The following ARHGEF28 variants were observed in gnomAD, a reference collection of about 807,000 sequenced individuals.
ARHGEF28 encodes the protein Rho guanine nucleotide exchange factor 28, also known as 190 kDa guanine nucleotide exchange factor.
In ARHGEF28, 152 loss-of-function variants were observed where a neutral mutation model predicts 206.6. That is an observed-to-expected ratio of 0.74 (90% CI 0.64 to 0.84). The LOEUF (loss-of-function observed/expected upper bound fraction) is 0.84, where lower values mean the gene tolerates loss of function less well. ARHGEF28 is among the 40% of genes least tolerant of loss of function. ARHGEF28 has a pLI of 0.00. For synonymous variants in ARHGEF28, 763 were observed against 776.4 expected, an observed-to-expected ratio of 0.98 and a Z score of 0.29; for missense variants, 2,028 against 2,073.2, an observed-to-expected ratio of 0.98 and a Z score of 0.42.
At chr5:73,891,786 A>C (rs1439741565) in intron 26 of ARHGEF28, among the ~76,000 whole-genome samples, 1 of 152,078 alleles carries the variant, frequency 6.6e-6, no homozygotes, top group African/African-American at 2.4e-5. Context: ...CGGCCTCCCA[A>C]AGTGCTGGGA....
intron 2 of ARHGEF28, among the ~76,000 whole-genome samples, chr5:73,739,637 G>A (rs1751239542): frequency 6.6e-6 from 1 of 151,602 alleles, no homozygotes; most frequent in East Asian, 1.9e-4. Context: ...TGTGCAACAG[G>A]TGAAACCTTC....
At chr5:73,687,146 T>G (rs1351324351) in intron 2 of ARHGEF28, among the ~76,000 whole-genome samples, 1 of 152,166 alleles carries the variant, frequency 6.6e-6, no homozygotes, top group Non-Finnish European at 1.5e-5. Flanking sequence ...GCTTTCAAAA[T>G]GACTTCACCA....
chr5:73,645,703 T>G (rs1744382175), intron 1 of ARHGEF28, among the ~76,000 whole-genome samples: 1 of 152,206 alleles, frequency 6.6e-6, no homozygotes, highest in African/African-American at 2.4e-5. Context: ...AACAAAAGTT[T>G]TAAATTCTTG....
At chr5:73,909,203 CACAGGTCCTACCCCTAGG>C in intron 33 of ARHGEF28, 191 bp from the exon 34 acceptor site, 7 of 520,044 alleles carry the variant, frequency 1.3e-5, no homozygotes, top group Non-Finnish European at 2.2e-5. Context: ...TCTATAAATT[CACAGGTCCTACCCCTAGG>C]ACAGATGTAG....
chr5:73,892,756 G>T (rs960700092), intron 27 of ARHGEF28, among the ~76,000 whole-genome samples: 4 of 152,136 alleles, frequency 2.6e-5, no homozygotes, highest in African/African-American at 9.7e-5. Context: ...CTCATTACTT[G>T]TGCAAGGACA....
intron 9 of ARHGEF28, among the ~76,000 whole-genome samples, chr5:73,815,648 G>A (rs1456911935): frequency 6.6e-6 from 1 of 152,184 alleles, no homozygotes; most frequent in East Asian, 1.9e-4. Flanking sequence ...ACACTGGAGA[G>A]ACATGGGATT....
At chr5:73,840,786 A>C (rs1245216882) in intron 11 of ARHGEF28, 26 bp downstream of exon 11, 74 of 1,583,108 alleles carry the variant, frequency 4.7e-5, no homozygotes, top group Non-Finnish European at 6.4e-5. Context: ...GTAGAGGAAA[A>C]CTGTAGAACA....
At chr5:73,879,503 G>A (rs1016254901) in intron 22 of ARHGEF28, among the ~76,000 whole-genome samples, 1 of 152,166 alleles carries the variant, frequency 6.6e-6, no homozygotes, top group Non-Finnish European at 1.5e-5. Flanking sequence ...GAGGCGCTCT[G>A]CTTTTTAGAG....
At chr5:73,826,091 G>A (rs780052538) in intron 9 of ARHGEF28, among the ~76,000 whole-genome samples, 1 of 152,170 alleles carries the variant, frequency 6.6e-6, no homozygotes, top group Non-Finnish European at 1.5e-5. Context: ...GAGAAGAAAA[G>A]GCCAGCAAGG....
chr5:73,770,327 A>G lies in ARHGEF28; in HGVS notation c.476-3528A>G, dbSNP rs572484435. ...TCCACACTCCCTTCCTATCTGGGGC[A>G]GTTGGACTCCTGTTATGCAGTAAGG... On this transcript the variant is annotated intron_variant, in intron 4 of 35. Coordinates refer to ENST00000513042, the MANE Select transcript of ARHGEF28 (RefSeq NM_001177693.2). Among the ~76,000 whole-genome samples the G allele has an allele frequency of 1.7e-4, 26 of 152,334 alleles. No individual in the cohort carries two copies. In the South Asian group the frequency reaches 3.5e-3, roughly 21 times the overall value.
At chr5:73,655,231 G>T (rs1337127481) in intron 1 of ARHGEF28, among the ~76,000 whole-genome samples, 2 of 152,194 alleles carry the variant, frequency 1.3e-5, no homozygotes, top group Non-Finnish European at 2.9e-5. Context: ...CATGCTCTGA[G>T]CTTGCACAAC....
chr5:73,844,233 A>C (rs1482548355), intron 11 of ARHGEF28, among the ~76,000 whole-genome samples: 1 of 152,220 alleles, frequency 6.6e-6, no homozygotes, highest in African/African-American at 2.4e-5. Flanking sequence ...TGATGATGAA[A>C]TGCTGTCTGT....
At chr5:73,896,157 C>T (rs2112695171) in intron 29 of ARHGEF28, among the ~76,000 whole-genome samples, 1 of 152,270 alleles carries the variant, frequency 6.6e-6, no homozygotes, top group Non-Finnish European at 1.5e-5. Context: ...AAGATGAAGG[C>T]TTTACTTCAG....
At chr5:73,733,917 G>A (rs1340753686) in intron 2 of ARHGEF28, among the ~76,000 whole-genome samples, 5 of 152,116 alleles carry the variant, frequency 3.3e-5, no homozygotes, top group Non-Finnish European at 5.9e-5. Flanking sequence ...GAAGGTGAAG[G>A]GGGAGCACAC....
At chr5:73,857,865 A>G (rs896607071) in intron 15 of ARHGEF28, 86 bp downstream of exon 15, 2 of 1,462,348 alleles carry the variant, frequency 1.4e-6, no homozygotes, top group Middle Eastern at 2.5e-4. Flanking sequence ...TTCCCTTTGA[A>G]ATCACTTACC....
At chr5:73,809,149 G>C (rs1580647681) in intron 9 of ARHGEF28, among the ~76,000 whole-genome samples, 2 of 151,436 alleles carry the variant, frequency 1.3e-5, no homozygotes, top group South Asian at 2.1e-4. Flanking sequence ...AAGTAGTAGT[G>C]AGCCAAGATC....
intron 9 of ARHGEF28, among the ~76,000 whole-genome samples, chr5:73,811,187 G>A (rs1480122699): frequency 6.6e-6 from 1 of 152,172 alleles, no homozygotes; most frequent in East Asian, 1.9e-4. Context: ...ACTAGTGAAG[G>A]TCCCCTTTCC....
At chr5:73,790,883 A>G (rs1477406383) in intron 7 of ARHGEF28, among the ~76,000 whole-genome samples, 1 of 152,214 alleles carries the variant, frequency 6.6e-6, no homozygotes, top group East Asian at 1.9e-4. Context: ...AAACAGCAAT[A>G]CTTACTAAGT....
chr5:73,689,844 T>C (rs1180792273), intron 2 of ARHGEF28, among the ~76,000 whole-genome samples: 14 of 151,688 alleles, frequency 9.2e-5, no homozygotes, highest in Non-Finnish European at 4.4e-5. Flanking sequence ...TTAGACTGAA[T>C]GGTACAATAG....
Sources: allele counts gnomAD v4.1 joint callset (sites outside exome capture counted in the v4.1 genomes callset), GRCh38; gene constraint gnomAD v4.1.1; transcripts MANE v1.5; gene names NCBI Gene and HGNC (gene_info 2026-07-23, HGNC 2026-07-21).